The following XKR9 variants were observed in gnomAD, a reference collection of about 807,000 sequenced individuals.
XKR9 encodes the protein XK related 9, also known as XK-related protein 9.
XKR9 carries 32 observed loss-of-function variants against 32.0 expected under a neutral mutation model. The ratio of observed to expected loss-of-function variants is 1.00; its 90% confidence interval spans 0.76 to 1.34. The LOEUF is 1.34. Among genes scored for constraint, XKR9 ranks in the 40% most tolerant of loss-of-function variants. The probability of loss-of-function intolerance (pLI) is 0.00; values close to 1 mark genes in which losing one functional copy is unlikely to be tolerated. For missense variants in XKR9, 546 were observed against 429.7 expected, an observed-to-expected ratio of 1.27 and a Z score of -2.39; for synonymous variants, 168 against 143.4, an observed-to-expected ratio of 1.17 and a Z score of -1.22.
the XKR9 span, among the ~76,000 whole-genome samples, chr8:70,896,917 A>C: frequency 6.6e-6 from 1 of 152,154 alleles, no homozygotes; most frequent in Non-Finnish European, 1.5e-5. Flanking sequence ...AAAAATGTAC[A>C]ATTAAATTAT....
the XKR9 span, among the ~76,000 whole-genome samples, chr8:70,803,659 G>T: frequency 2.0e-5 from 3 of 152,156 alleles, no homozygotes; most frequent in Non-Finnish European, 4.4e-5. Context: ...GTATAAAGTG[G>T]CCTCAGTCAA....
chr8:70,761,592 A>G (rs1158671088), intron 2 of XKR9, among the ~76,000 whole-genome samples: 1 of 151,962 alleles, frequency 6.6e-6, no homozygotes, highest in Non-Finnish European at 1.5e-5. Context: ...TAGATGCTGG[A>G]TATTAGACCT....
downstream of XKR9, among the ~76,000 whole-genome samples, chr8:70,737,117 ATT>A (rs1806877764): frequency 6.7e-6 from 1 of 149,858 alleles, no homozygotes; most frequent in Non-Finnish European, 1.5e-5. Context: ...ATGTTCTTCC[ATT>A]TGTTTGTATC....
chr8:70,892,867 G>T, the XKR9 span, among the ~76,000 whole-genome samples: 1 of 152,114 alleles, frequency 6.6e-6, no homozygotes, highest in Admixed American at 6.6e-5. Flanking sequence ...CTTGGATCTG[G>T]ATGCCCATAT....
chr8:70,732,298 G>T (rs932302930), intron 4 of XKR9, among the ~76,000 whole-genome samples: 1 of 152,224 alleles, frequency 6.6e-6, no homozygotes, highest in Admixed American at 6.5e-5. Context: ...CAGACACTCT[G>T]CCATGGAGCT....
intron 3 of XKR9, among the ~76,000 whole-genome samples, chr8:70,681,940 T>A (rs1819097041): frequency 6.6e-6 from 1 of 152,138 alleles, no homozygotes; most frequent in Non-Finnish European, 1.5e-5. Flanking sequence ...CAATTCATGA[T>A]CCTTAGTTGA....
the XKR9 span, among the ~76,000 whole-genome samples, chr8:70,978,661 C>G: frequency 6.6e-6 from 1 of 152,136 alleles, no homozygotes; most frequent in African/African-American, 2.4e-5. Flanking sequence ...TCTGGCTGCC[C>G]TTAACATTTT....
the XKR9 span, among the ~76,000 whole-genome samples, chr8:70,840,490 T>G: frequency 6.6e-6 from 1 of 152,176 alleles, no homozygotes; most frequent in Non-Finnish European, 1.5e-5. Flanking sequence ...AATCCTCAGA[T>G]AAAGTAATCT....
At chr8:70,810,174 C>T in the XKR9 span, among the ~76,000 whole-genome samples, 1 of 152,198 alleles carries the variant, frequency 6.6e-6, no homozygotes, top group Admixed American at 6.5e-5. Context: ...CCCTGCATTT[C>T]ATATCCAGCC....
chr8:70,698,150 A>G (rs1348947514), intron 3 of XKR9, among the ~76,000 whole-genome samples: 2 of 147,048 alleles, frequency 1.4e-5, no homozygotes, highest in Admixed American at 6.9e-5. Context: ...TGGATTCATT[A>G]ATTTTTTGAA....
intron 4 of XKR9, among the ~76,000 whole-genome samples, chr8:70,713,739 C>T (rs1349125329): frequency 6.6e-6 from 1 of 151,924 alleles, no homozygotes; most frequent in Non-Finnish European, 1.5e-5. Flanking sequence ...GAGTTAAAAC[C>T]TATATAGTAT....
chr8:71,042,135 T>C, the XKR9 span, among the ~76,000 whole-genome samples: 1 of 152,090 alleles, frequency 6.6e-6, no homozygotes, highest in Non-Finnish European at 1.5e-5. Flanking sequence ...AGATGATGCT[T>C]TGAGGACAAC....
the XKR9 span, among the ~76,000 whole-genome samples, chr8:70,982,517 C>T: frequency 6.6e-6 from 1 of 152,102 alleles, no homozygotes; most frequent in Non-Finnish European, 1.5e-5. Context: ...GCCCCCAGTC[C>T]TAAAGGTGGT....
chr8:70,865,088 T>C, the XKR9 span, among the ~76,000 whole-genome samples: 1 of 152,198 alleles, frequency 6.6e-6, no homozygotes, highest in Non-Finnish European at 1.5e-5. Context: ...TCTCTCCTCA[T>C]ATTTGGTCAA....
At chr8:70,936,239 T>C in the XKR9 span, among the ~76,000 whole-genome samples, 1 of 152,082 alleles carries the variant, frequency 6.6e-6, no homozygotes, top group Non-Finnish European at 1.5e-5. Flanking sequence ...GAAGGCTTTG[T>C]GTTGGAGGAC....
At chr8:71,036,438 G>A in the XKR9 span, among the ~76,000 whole-genome samples, 1 of 152,088 alleles carries the variant, frequency 6.6e-6, no homozygotes, top group East Asian at 1.9e-4. Flanking sequence ...TGTTTTTCAA[G>A]TCTAGAGTGT....
chr8:70,881,466 A>G, the XKR9 span, among the ~76,000 whole-genome samples: 1 of 152,192 alleles, frequency 6.6e-6, no homozygotes, highest in Non-Finnish European at 1.5e-5. Context: ...ATATGAACAG[A>G]CACTTCTCAA....
chr8:70,902,215 T>C, the XKR9 span, among the ~76,000 whole-genome samples: 1 of 152,212 alleles, frequency 6.6e-6, no homozygotes, highest in African/African-American at 2.4e-5. Context: ...TTGATGGGGA[T>C]GGCATTGAAT....
chr8:71,015,235 A>T, the XKR9 span, among the ~76,000 whole-genome samples: 27 of 152,246 alleles, frequency 1.8e-4, no homozygotes, highest in Non-Finnish European at 4.0e-4. Flanking sequence ...CCAATAAACT[A>T]CATAGACAAG....
Sources: allele counts gnomAD v4.1 joint callset (sites outside exome capture counted in the v4.1 genomes callset), GRCh38; gene constraint gnomAD v4.1.1; transcripts MANE v1.5; gene names NCBI Gene and HGNC (gene_info 2026-07-23, HGNC 2026-07-21).